The following CFAP58 variants were observed in gnomAD, a reference collection of about 807,000 sequenced individuals.
The protein encoded by CFAP58 is cilia and flagella associated protein 58.
A neutral mutation model predicts 119.5 loss-of-function variants in CFAP58; 88 were observed. The observed-to-expected ratio is 0.74, with a 90% CI of 0.62 to 0.88. The LOEUF (loss-of-function observed/expected upper bound fraction) is 0.88. Ranked by LOEUF, CFAP58 falls within the 40% of genes least tolerant of loss-of-function variation. The pLI is 0.00. For missense variants in CFAP58, 990 were observed against 1,021.2 expected (o/e 0.97, Z 0.42); for synonymous variants, 365 against 366.3 (o/e 1.00, Z 0.04).
chr10:104,368,370 A>G, intron 5 of CFAP58, 53 bp from the exon 6 acceptor site: 5 of 1,590,002 alleles, frequency 3.1e-6, no homozygotes, highest in Non-Finnish European at 4.3e-6. Context: ...GTGTATATCC[A>G]ACTATTGTAA....
intron 7 of CFAP58, among the ~76,000 whole-genome samples, chr10:104,372,000 A>G (rs1005989074): frequency 6.6e-6 from 1 of 152,160 alleles, no homozygotes; most frequent in African/African-American, 2.4e-5. Flanking sequence ...AGTTAGGTAC[A>G]ATCTAAATCT....
At position 104,362,132 on chromosome 10, in the gene CFAP58, T is replaced by C; in HGVS notation, c.401T>C (p.Val134Ala). The part of the protein sequence containing the change: ...KEEIVNLTKL[V>A]EQGSGLSMDQ... ...GAAATAGTGAACCTGACCAAACTAG[T>C]GGAGCAGGGGTCTGGACTGTCAATG... The change falls in exon 3 of 18, where the codon GTG (valine) becomes GCG (alanine). Residue 134 changes from valine to alanine, a missense_variant. By Grantham distance (64) the Val-to-Ala change is moderately conservative. Transcript: ENST00000369704. The C allele has an allele frequency of 1.2e-6, 2 of 1,614,034 alleles. No individual in the cohort carries two copies. Among genetic ancestry groups the C allele is most frequent in the Non-Finnish European group, 1.7e-6 (2 of 1,179,954 alleles).
At chr10:104,413,497 G>T (rs1002637537) in intron 15 of CFAP58, among the ~76,000 whole-genome samples, 2 of 152,156 alleles carry the variant, frequency 1.3e-5, no homozygotes, top group Non-Finnish European at 2.9e-5. Context: ...TGCTCACCAA[G>T]CTACTCTCCC....
intron 2 of CFAP58, 66 bp from the exon 3 acceptor site, chr10:104,361,957 T>G: frequency 6.8e-7 from 1 of 1,477,302 alleles, no homozygotes; most frequent in Non-Finnish European, 9.3e-7. Flanking sequence ...TTATTCTGTT[T>G]GCTGGTTTAT....
At chr10:104,364,913 A>G in intron 4 of CFAP58, 24 bp downstream of exon 4, 3 of 1,604,686 alleles carry the variant, frequency 1.9e-6, no homozygotes, top group Non-Finnish European at 2.5e-6. Context: ...GGCAAGAAGA[A>G]GGAATATTTC....
intron 17 of CFAP58, among the ~76,000 whole-genome samples, chr10:104,451,496 G>A (rs1299271080): frequency 6.6e-6 from 1 of 152,148 alleles, no homozygotes; most frequent in East Asian, 1.9e-4. Flanking sequence ...CCAGATACTT[G>A]GATTCAGCAG....
intron 9 of CFAP58, among the ~76,000 whole-genome samples, chr10:104,386,515 C>T (rs1332146136): frequency 1.3e-5 from 2 of 152,224 alleles, no homozygotes; most frequent in African/African-American, 4.8e-5. Context: ...TAAAATTCCA[C>T]CTTTCCCAAG....
intron 15 of CFAP58, 88 bp from the exon 16 acceptor site, chr10:104,447,610 C>T (rs1334811542): frequency 6.5e-7 from 1 of 1,533,598 alleles, no homozygotes; most frequent in South Asian, 1.2e-5. Flanking sequence ...TTGGGCCACT[C>T]CCAAATTGTG....
At chr10:104,357,601 A>G (rs1423541202) in intron 1 of CFAP58, among the ~76,000 whole-genome samples, 2 of 152,012 alleles carry the variant, frequency 1.3e-5, no homozygotes, top group Non-Finnish European at 2.9e-5. Context: ...AATCCCTACT[A>G]TTTGCCAGGC....
chr10:104,356,703 A>G (rs1017063881), intron 1 of CFAP58, among the ~76,000 whole-genome samples: 2 of 152,106 alleles, frequency 1.3e-5, no homozygotes, highest in African/African-American at 2.4e-5. Flanking sequence ...GCTGCTGGGA[A>G]TAATTCTCTT....
rs758047459 is a variant in CFAP58, at chr10:104,400,701, C to G, written c.1837C>G (p.Leu613Val). The change falls in exon 13 of 18, where the codon CTG becomes GTG. Residue 613 changes from leucine (L) to valine (V), a missense_variant. Coordinates refer to ENST00000369704, the MANE Select transcript of CFAP58 (RefSeq NM_001008723.2). ...LDQVISERDI[L>V]GSQLVRRNDE... Reference sequence around the variant, plus strand: ...CTAGGTCATCAGTGAGAGAGATATCCTGGGGTCTCAGCTTGTTCGGCGCAA... The same window carrying G: ...CTAGGTCATCAGTGAGAGAGATATCGTGGGGTCTCAGCTTGTTCGGCGCAA... The G allele has an allele frequency of 2.5e-6, 4 of 1,613,834 alleles. No individual in the cohort carries two copies. Among genetic ancestry groups the G allele is most frequent in the Non-Finnish European group, 2.5e-6 (3 of 1,180,016 alleles).
chr10:104,370,900 A>T lies in CFAP58; in HGVS notation c.936A>T (p.Lys312Asn). ...NQQKALELKAKEEEVHQMRLD... is the reference protein window; with the variant it reads ...NQQKALELKANEEEVHQMRLD... ...TTCTTTCTCACTAATTACAGGCCAA[A>T]GAGGAAGAAGTCCATCAAATGCGCC... The change falls in exon 7 of 18, where the codon AAA becomes AAT. Residue 312 changes from lysine (K) to asparagine (N), a missense_variant. By Grantham distance (94) the Lys-to-Asn change is moderately conservative. Coordinates refer to ENST00000369704, the MANE Select transcript of CFAP58 (RefSeq NM_001008723.2). 1 of 1,610,950 alleles carries T rather than the reference A, an allele frequency of 6.2e-7. No homozygotes were observed. The highest frequency in any genetic ancestry group is 8.5e-7 in the Non-Finnish European group (1 of 1,179,196).
At chr10:104,343,454 C>G in the CFAP58 span, among the ~76,000 whole-genome samples, 1 of 152,198 alleles carries the variant, frequency 6.6e-6, no homozygotes, top group Admixed American at 6.5e-5. Context: ...TTTATACCTA[C>G]CAACTCATTT....
intron 9 of CFAP58, among the ~76,000 whole-genome samples, chr10:104,387,165 A>G (rs749332803): frequency 1.3e-5 from 2 of 152,206 alleles, no homozygotes; most frequent in Non-Finnish European, 2.9e-5. Context: ...TGCAATAATA[A>G]TAGTGCATGA....
intron 6 of CFAP58, among the ~76,000 whole-genome samples, chr10:104,369,106 C>T (rs2135259207): frequency 6.6e-6 from 1 of 152,236 alleles, no homozygotes; most frequent in Admixed American, 6.5e-5. Flanking sequence ...AGTTTATACT[C>T]CGATGTATAT....
At chr10:104,408,018 C>G (rs1189186371) in intron 15 of CFAP58, among the ~76,000 whole-genome samples, 1 of 152,190 alleles carries the variant, frequency 6.6e-6, no homozygotes, top group Non-Finnish European at 1.5e-5. Context: ...ATTTTAATCA[C>G]TAGGTTAATA....
chr10:104,445,195 T>C, intron 15 of CFAP58, among the ~76,000 whole-genome samples: 1 of 151,292 alleles, frequency 6.6e-6, no homozygotes, highest in Non-Finnish European at 1.5e-5. Flanking sequence ...TGGTGGTGCA[T>C]GCCTATAGTC....
chr10:104,389,491 G>A (rs563771055), intron 9 of CFAP58, among the ~76,000 whole-genome samples: 4 of 152,090 alleles, frequency 2.6e-5, no homozygotes, highest in South Asian at 4.2e-4. Flanking sequence ...TTTCTCTAAC[G>A]TGCTGCTTGA....
intron 4 of CFAP58, 62 bp from the exon 5 acceptor site, chr10:104,365,752 G>T: frequency 1.4e-6 from 2 of 1,459,744 alleles, no homozygotes; most frequent in South Asian, 1.4e-5. Context: ...GGGCTTGGCT[G>T]GCTGAGACCT....
Sources: gnomAD v4.1 joint callset for allele counts (sites outside exome capture counted in the v4.1 genomes callset) on GRCh38, gnomAD v4.1.1 for gene constraint, MANE v1.5 for transcripts, NCBI Gene and HGNC (gene_info 2026-07-23, HGNC 2026-07-21) for gene names.